The following NKAIN3 variants were observed in gnomAD, a reference collection of about 807,000 sequenced individuals.
NKAIN3 encodes the protein sodium/potassium transporting ATPase interacting 3.
Under a neutral mutation model 30.2 loss-of-function variants are expected in NKAIN3, and 25 were observed. The observed-to-expected ratio is 0.83, with a 90% CI of 0.60 to 1.16. The LOEUF (loss-of-function observed/expected upper bound fraction) is 1.16. Among genes scored for constraint, NKAIN3 ranks in the 50% most tolerant of loss-of-function variants. The pLI is 0.00. For missense variants in NKAIN3, 225 were observed against 254.1 expected, an observed-to-expected ratio of 0.89 and a Z score of 0.78; for synonymous variants, 91 against 89.6, an observed-to-expected ratio of 1.02 and a Z score of -0.09.
chr8:62,354,108 A>G (rs1647255641), intron 1 of NKAIN3, among the ~76,000 whole-genome samples: 1 of 152,236 alleles, frequency 6.6e-6, no homozygotes, highest in African/African-American at 2.4e-5. Flanking sequence ...GACACCATGA[A>G]TATCTCAAAG....
intron 1 of NKAIN3, among the ~76,000 whole-genome samples, chr8:62,251,886 AAC>A (rs1312868365): frequency 6.6e-6 from 1 of 152,224 alleles, no homozygotes. Context: ...GGTAAAGTAA[AAC>A]ACAGCAAAAT....
intron 5 of NKAIN3, among the ~76,000 whole-genome samples, chr8:62,922,915 G>A (rs746197428): frequency 3.3e-5 from 5 of 152,050 alleles, no homozygotes; most frequent in Non-Finnish European, 5.9e-5. Context: ...CCTCCCACTA[G>A]CAAGATCTAT....
At chr8:62,528,400 A>G (rs2129824218) in intron 1 of NKAIN3, among the ~76,000 whole-genome samples, 1 of 149,540 alleles carries the variant, frequency 6.7e-6, no homozygotes, top group East Asian at 2.0e-4. Flanking sequence ...TTCTATAAGG[A>G]CTTAAAAATG....
At chr8:62,647,566 G>T (rs1812505247) in intron 3 of NKAIN3, among the ~76,000 whole-genome samples, 2 of 152,172 alleles carry the variant, frequency 1.3e-5, no homozygotes, top group East Asian at 3.9e-4. Context: ...CTTCCTGGAC[G>T]AAGGAATATC....
intron 4 of NKAIN3, among the ~76,000 whole-genome samples, chr8:62,899,545 C>T (rs1821536727): frequency 6.6e-6 from 1 of 151,956 alleles, no homozygotes. Flanking sequence ...AAATCAAACT[C>T]ATGGAGATAG....
At chr8:62,870,544 A>ATATATATAC (rs1266019987) in intron 4 of NKAIN3, among the ~76,000 whole-genome samples, 1 of 134,174 alleles carries the variant, frequency 7.5e-6, no homozygotes, top group Non-Finnish European at 1.5e-5. Context: ...CAATATGTAC[A>ATATATATAC]TATATATACT....
chr8:62,672,358 AC>A (rs2130390327), intron 3 of NKAIN3, among the ~76,000 whole-genome samples: 1 of 152,328 alleles, frequency 6.6e-6, no homozygotes, highest in East Asian at 1.9e-4. Context: ...GAAGTATTAG[AC>A]CAAGAAACAC....
intron 3 of NKAIN3, among the ~76,000 whole-genome samples, chr8:62,719,054 A>T (rs1313539985): frequency 6.6e-6 from 1 of 152,230 alleles, no homozygotes; most frequent in African/African-American, 2.4e-5. Flanking sequence ...AAAGGTCCAA[A>T]GAGTAATAAG....
At chr8:62,414,546 C>G (rs1407115052) in intron 1 of NKAIN3, among the ~76,000 whole-genome samples, 1 of 152,052 alleles carries the variant, frequency 6.6e-6, no homozygotes, top group Admixed American at 6.6e-5. Context: ...AGAGGAGTTG[C>G]AGGAGTGTGA....
chr8:62,891,523 CTCCCCT>C (rs1343192595), intron 4 of NKAIN3, among the ~76,000 whole-genome samples: 1 of 152,168 alleles, frequency 6.6e-6, no homozygotes, highest in Non-Finnish European at 1.5e-5. Context: ...TCGTAATAAA[CTCCCCT>C]TCATATATAC....
intron 3 of NKAIN3, among the ~76,000 whole-genome samples, chr8:62,689,340 G>T (rs137910415): frequency 5.9e-5 from 9 of 152,154 alleles, no homozygotes; most frequent in Non-Finnish European, 1.3e-4. Flanking sequence ...CAGAGACCAG[G>T]TCTCTCCCTC....
intron 3 of NKAIN3, among the ~76,000 whole-genome samples, chr8:62,678,335 G>C (rs965486882): frequency 2.0e-5 from 3 of 152,166 alleles, no homozygotes; most frequent in African/African-American, 7.2e-5. Context: ...TATTTGTGCT[G>C]CAGTGAATTA....
intron 5 of NKAIN3, among the ~76,000 whole-genome samples, chr8:62,929,356 A>C (rs1822547931): frequency 6.6e-6 from 1 of 152,258 alleles, no homozygotes; most frequent in African/African-American, 2.4e-5. Context: ...TGAGAAAAAA[A>C]TCACAGGTTG....
At position 62,523,826 on chromosome 8, in the gene NKAIN3, C is replaced by T. The variant is rs535117546; in HGVS notation, c.55-55713C>T. 3.9e-5 allele frequency among the ~76,000 whole-genome samples: 6 copies of T among 152,126 alleles called. No individual in the cohort carries two copies. The East Asian group carries it at 9.7e-4, about 25-fold the overall frequency. The stretch of plus-strand genomic sequence containing the variant: ...TACAGGTACGTCAGCTCTCCTTTGG[C>T]GTGTACAGTGGAGCAAGGGTAAGAA... On this transcript the variant is annotated intron_variant, in intron 1 of 6. Transcript: ENST00000623646.
intron 1 of NKAIN3, among the ~76,000 whole-genome samples, chr8:62,430,865 A>C (rs189156153): frequency 8.7e-4 from 132 of 151,948 alleles, no homozygotes; most frequent in Non-Finnish European, 1.6e-3. Context: ...GGCAGCTTGG[A>C]AAGCATCATA....
chr8:62,423,325 C>T (rs1469738394), intron 1 of NKAIN3, among the ~76,000 whole-genome samples: 1 of 151,808 alleles, frequency 6.6e-6, no homozygotes, highest in African/African-American at 2.4e-5. Context: ...ACCTAATAAA[C>T]TCTTTATTTC....
At chr8:62,680,046 G>T (rs75236345) in intron 3 of NKAIN3, among the ~76,000 whole-genome samples, 4,958 of 152,216 alleles carry the variant, frequency 0.033, 281 homozygotes, top group African/African-American at 0.11. Context: ...TGAAGGGGAG[G>T]TCAGATAGAT....
intron 5 of NKAIN3, among the ~76,000 whole-genome samples, chr8:62,929,447 G>A (rs538150499): frequency 1.3e-5 from 2 of 152,296 alleles, no homozygotes; most frequent in South Asian, 4.1e-4. Flanking sequence ...ATTTGGAAAA[G>A]TAAATTAAAT....
intron 3 of NKAIN3, among the ~76,000 whole-genome samples, chr8:62,621,583 C>T (rs1483092833): frequency 6.6e-6 from 1 of 151,972 alleles, no homozygotes; most frequent in African/African-American, 2.4e-5. Flanking sequence ...TTTCCTATGT[C>T]ATAAATGTTA....
Sources: gnomAD v4.1 joint callset for allele counts (sites outside exome capture counted in the v4.1 genomes callset) on GRCh38, gnomAD v4.1.1 for gene constraint, MANE v1.5 for transcripts, NCBI Gene and HGNC (gene_info 2026-07-23, HGNC 2026-07-21) for gene names.